The following CRCT1 variants were observed in gnomAD, a reference collection of about 807,000 sequenced individuals.
CRCT1 encodes the protein cysteine rich C-terminal 1, also known as cysteine-rich C-terminal protein 1.
For synonymous variants in CRCT1, 86 were observed against 60.3 expected (o/e 1.43, Z -1.98); for missense variants, 160 against 136.3 (o/e 1.17, Z -0.87).
chr1:152,515,950 T>C lies in CRCT1; in HGVS notation c.*267T>C, dbSNP rs1043602790. 6.8e-5 allele frequency: 29 copies of C among 425,866 alleles called. No individual in the cohort carries two copies. The highest frequency in any genetic ancestry group is 5.8e-4 in the African/African-American group (28 of 48,608). 26.4% of individuals were successfully genotyped at this position (425,866 alleles called of 1,614,324 possible). A position where few individuals can be genotyped will look rare whatever the true frequency, so the allele number is the denominator to read the frequency against. The stretch of plus-strand genomic sequence containing the variant: ...TTGCACACAGCAGGTGCTCAGCAAA[T>C]GTCTATTGATTTGATTGTCTTTTGA... On this transcript the variant is annotated 3_prime_UTR_variant, in exon 2 of 2. Coordinates refer to ENST00000368790, the MANE Select transcript of CRCT1 (RefSeq NM_019060.3).
rs1658716250 is a variant in CRCT1 at position 152,515,403 on chromosome 1, C to T, written c.20C>T (p.Ala7Val). Reference sequence around the variant, plus strand: ...TCCGCGATGTCCTCTCAACAGAGCGCCGTTTCCGCCAAAGGCTTTTCCAAG... The same window carrying T: ...TCCGCGATGTCCTCTCAACAGAGCGTCGTTTCCGCCAAAGGCTTTTCCAAG... MSSQQS[A>V]VSAKGFSKGS... Residue 7 changes from alanine (A) to valine (V), a missense_variant, in exon 2 of 2, where the codon GCC (alanine) becomes GTC (valine). Coordinates refer to ENST00000368790, the MANE Select transcript of CRCT1 (RefSeq NM_019060.3). 6.4e-7 allele frequency: 1 copy of T among 1,557,486 alleles called. No individual in the cohort carries two copies. Among genetic ancestry groups the T allele is most frequent in the Admixed American group, 1.9e-5 (1 of 51,488 alleles).
Position 152,515,437 on chromosome 1 carries a change from C to T in CRCT1, c.54C>T (p.Ser18=). ...CCAAAGGCTTTTCCAAGGGGTCGTC[C>T]CAGGGCCCCGCTCCGTGTCCCGCCC... ...VSAKGFSKGS[S]QGPAPCPAPA... The change falls in exon 2 of 2, where the codon TCC becomes TCT. Residue 18 remains serine (S), a synonymous_variant. Transcript: ENST00000368790. 6.3e-7 allele frequency: 1 copy of T among 1,597,502 alleles called. No individual in the cohort carries two copies. The highest frequency in any genetic ancestry group is 8.5e-7 in the Non-Finnish European group (1 of 1,174,586).
At chr1:152,514,740 G>A (rs1472535939) in intron 1 of CRCT1, among the ~76,000 whole-genome samples, 188 bp downstream of exon 1, 1 of 152,162 alleles carries the variant, frequency 6.6e-6, no homozygotes, top group African/African-American at 2.4e-5. Context: ...GTTTTTGCAA[G>A]GGTACACAGC....
Position 152,515,746 on chromosome 1 carries a change from G to A in CRCT1, c.*63G>A. 1 of 1,409,896 alleles carries A rather than the reference G, an allele frequency of 7.1e-7. No individual in the cohort carries two copies. Among genetic ancestry groups the A allele is most frequent in the Non-Finnish European group, 9.2e-7 (1 of 1,082,302 alleles). The allele number at this position is 1,409,896 out of a possible 1,614,324, so 87.3% of individuals were successfully genotyped here. ...GCCCAGCCCAGAGCGGGCCCGCCCC[G>A]CTGCGGCTCCCACGCGGGGCTGGGC... On this transcript the variant is annotated 3_prime_UTR_variant, in exon 2 of 2. Transcript: ENST00000368790.
rs1157253747 is a variant in CRCT1 at position 152,515,566 on chromosome 1, C to T, written c.183C>T (p.Cys61=). 1.3e-6 allele frequency: 2 copies of T among 1,596,034 alleles called. No individual in the cohort carries two copies. The highest frequency in any genetic ancestry group is 1.7e-6 in the Non-Finnish European group (2 of 1,176,612). ...GCCGSSSTSC[C]CFPRRRRRQR... is the part of the protein sequence containing the mutation. ...GCGGCTCCAGCTCCACCAGTTGCTG[C>T]TGCTTCCCAAGGAGACGCCGCCGAC... The change falls in exon 2 of 2, where the codon TGC becomes TGT. Residue 61 remains cysteine (C), a synonymous_variant. Transcript: ENST00000368790.
Position 152,515,650 on chromosome 1 carries a change from C to T in CRCT1, c.267C>T (p.Asn89=). The change falls in exon 2 of 2, where the codon AAC becomes AAT. Residue 89 remains asparagine, a synonymous_variant. Coordinates refer to ENST00000368790, the MANE Select transcript of CRCT1 (RefSeq NM_019060.3). The stretch of plus-strand genomic sequence containing the variant: ...GCAGCCAGAGGTCCCAGCGCTCCAA[C>T]AACCGGAGCTCAGGATGCTGCTCCG... ...GGGSQRSQRS[N]NRSSGCCSGC is the part of the protein sequence containing the mutation. 6.4e-7 allele frequency: 1 copy of T among 1,568,616 alleles called. No homozygotes were observed. The highest frequency in any genetic ancestry group is 8.6e-7 in the Non-Finnish European group (1 of 1,159,284).
At position 152,515,368 on chromosome 1, in the gene CRCT1, C is replaced by G. The variant is rs373476767; in HGVS notation, c.-16C>G. The G allele has an allele frequency of 1.3e-6, 2 of 1,501,778 alleles. No homozygotes were observed. Among genetic ancestry groups the G allele is most frequent in the Non-Finnish European group, 8.8e-7 (1 of 1,130,332 alleles). The allele number at this position is 1,501,778 out of a possible 1,614,324, so 93.0% of individuals were successfully genotyped here. A position where few individuals can be genotyped will look rare whatever the true frequency, so the allele number is the denominator to read the frequency against. ...AAGGCTGCCTTTCTTCCAGGTTTGT[C>G]GTGAGGAGCTCCGCGATGTCCTCTC... On this transcript the variant is annotated 5_prime_UTR_variant, in exon 2 of 2. Transcript: ENST00000368790.
chr1:152,515,707 C>T lies in CRCT1; in HGVS notation c.*24C>T, dbSNP rs774001560. On this transcript the variant is annotated 3_prime_UTR_variant, in exon 2 of 2. Coordinates refer to ENST00000368790, the MANE Select transcript of CRCT1 (RefSeq NM_019060.3). Reference sequence around the variant, plus strand: ...GAGAGGCCCGCAACCCCCAGCGCTGCGCTAGAGAAACCCGCCCAGCCCAGA... The same window carrying T: ...GAGAGGCCCGCAACCCCCAGCGCTGTGCTAGAGAAACCCGCCCAGCCCAGA... 13 of 1,462,192 alleles carry T rather than the reference C, an allele frequency of 8.9e-6. No individual in the cohort carries two copies. In the South Asian group the frequency reaches 1.9e-4, roughly 21 times the overall value. 90.6% of individuals were successfully genotyped at this position (1,462,192 alleles called of 1,614,324 possible). A position where few individuals can be genotyped will look rare whatever the true frequency, so the allele number is the denominator to read the frequency against.
chr1:152,515,511 G>C lies in CRCT1; in HGVS notation c.128G>C (p.Gly43Ala). ...TCCTCCTCCTCCTGCTGCGGCTCCG[G>C]CAGGGGCTGCTGCGGCGACTCAGGC... ...PASSSSCCGS[G>A]RGCCGDSGCC... The change falls in exon 2 of 2, where the codon GGC becomes GCC. Residue 43 changes from glycine (G) to alanine (A), a missense_variant. Transcript: ENST00000368790. 6.3e-7 allele frequency: 1 copy of C among 1,595,602 alleles called. No homozygotes were observed. Among genetic ancestry groups the C allele is most frequent in the Non-Finnish European group, 8.5e-7 (1 of 1,177,060 alleles).
rs746530483 is a variant in CRCT1 at position 152,515,472 on chromosome 1, C to G, written c.89C>G (p.Thr30Ser). ...GCTCCGTGTCCCGCCCCGGCGCCCA[C>G]CCCGGCGCCCGCCTCCTCCTCCTCC... is the stretch of plus-strand genomic sequence containing the variant. ...GPAPCPAPAPTPAPASSSSCC... is the reference protein window; with the variant it reads ...GPAPCPAPAPSPAPASSSSCC... The change falls in exon 2 of 2, where the codon ACC becomes AGC. Residue 30 changes from threonine to serine, a missense_variant. Thr to Ser is a moderately conservative substitution (Grantham distance 58). Coordinates refer to ENST00000368790, the MANE Select transcript of CRCT1 (RefSeq NM_019060.3). 19 of 1,601,138 alleles carry G rather than the reference C, an allele frequency of 1.2e-5. No individual in the cohort carries two copies. In the South Asian group the frequency reaches 1.3e-4, roughly 11 times the overall value.
Position 152,515,888 on chromosome 1 carries a change from C to A in CRCT1, c.*205C>A, listed in dbSNP as rs1658741896. 2.4e-6 allele frequency: 2 copies of A among 834,214 alleles called. No individual in the cohort carries two copies. The highest frequency in any genetic ancestry group is 1.8e-5 in the African/African-American group (1 of 55,122). The allele number at this position is 834,214 out of a possible 1,614,324, so 51.7% of individuals were successfully genotyped here. A position where few individuals can be genotyped will look rare whatever the true frequency, so the allele number is the denominator to read the frequency against. On this transcript the variant is annotated 3_prime_UTR_variant, in exon 2 of 2. Coordinates refer to ENST00000368790, the MANE Select transcript of CRCT1 (RefSeq NM_019060.3). The stretch of plus-strand genomic sequence containing the variant: ...TTTTTCTCCCCGGGGATTCGAGAGC[C>A]ATGCGTGGGACACTGGACCCTACTG...
chr1:152,515,379 C>G lies in CRCT1; in HGVS notation c.-5C>G. The G allele has an allele frequency of 6.6e-7, 1 of 1,510,340 alleles. No individual in the cohort carries two copies. The highest frequency in any genetic ancestry group is 8.8e-7 in the Non-Finnish European group (1 of 1,133,768). The allele number at this position is 1,510,340 out of a possible 1,614,324, so 93.6% of individuals were successfully genotyped here. A position where few individuals can be genotyped will look rare whatever the true frequency, so the allele number is the denominator to read the frequency against. ...TCTTCCAGGTTTGTCGTGAGGAGCT[C>G]CGCGATGTCCTCTCAACAGAGCGCC... On this transcript the variant is annotated 5_prime_UTR_variant, in exon 2 of 2. Transcript: ENST00000368790.
Position 152,515,353 on chromosome 1 carries a change from T to C in CRCT1, c.-22-9T>C. ...CCGGCTCGCCTTTGAAAGGCTGCCT[T>C]TCTTCCAGGTTTGTCGTGAGGAGCT... On this transcript the variant is annotated splice_polypyrimidine_tract_variant and intron_variant, in intron 1 of 1. Transcript: ENST00000368790. 1 of 1,486,100 alleles carries C rather than the reference T, an allele frequency of 6.7e-7. No homozygotes were observed. The highest frequency in any genetic ancestry group is 8.9e-7 in the Non-Finnish European group (1 of 1,123,764). 92.1% of individuals were successfully genotyped at this position (1,486,100 alleles called of 1,614,324 possible).
At chr1:152,515,252 T>C (rs1658712326) in intron 1 of CRCT1, 110 bp from the exon 2 acceptor site, 1 of 925,276 alleles carries the variant, frequency 1.1e-6, no homozygotes, top group Non-Finnish European at 1.5e-6. Context: ...TCCCTCCTTG[T>C]CCCAGGCCAG....
At position 152,514,534 on chromosome 1, in the gene CRCT1, T is replaced by C. The variant is rs1473839302; in HGVS notation, c.-41T>C. ...CCAGTTGGAGAACGTAGTGAGTCTT[T>C]CAGTGGAGCCAGGGTCTGGTAAGTC... is the stretch of plus-strand genomic sequence containing the variant. On this transcript the variant is annotated 5_prime_UTR_variant, in exon 1 of 2. Transcript: ENST00000368790. 6.6e-6 allele frequency: 1 copy of C among 152,190 alleles called. No individual in the cohort carries two copies. Among genetic ancestry groups the C allele is most frequent in the African/African-American group, 2.4e-5 (1 of 41,410 alleles). 9.4% of individuals were successfully genotyped at this position (152,190 alleles called of 1,614,324 possible). A position where few individuals can be genotyped will look rare whatever the true frequency, so the allele number is the denominator to read the frequency against.
chr1:152,515,332 C>A, intron 1 of CRCT1, 30 bp from the exon 2 acceptor site: 1 of 1,473,878 alleles, frequency 6.8e-7, no homozygotes, highest in Non-Finnish European at 9.0e-7. Context: ...AAAAAGCCGG[C>A]TCGCCTTTGA....
rs1354191216 is a variant in CRCT1, at chr1:152,515,499, G to A, written c.116G>A (p.Cys39Tyr). The stretch of plus-strand genomic sequence containing the variant: ...CCGGCGCCCGCCTCCTCCTCCTCCT[G>A]CTGCGGCTCCGGCAGGGGCTGCTGC... ...PTPAPASSSSCCGSGRGCCGD... is the reference protein window; with the variant it reads ...PTPAPASSSSYCGSGRGCCGD... Residue 39 changes from cysteine to tyrosine, a missense_variant, in exon 2 of 2, where the codon TGC becomes TAC. Transcript: ENST00000368790. 3.7e-6 allele frequency: 6 copies of A among 1,600,232 alleles called. No individual in the cohort carries two copies. Among genetic ancestry groups the A allele is most frequent in the African/African-American group, 2.7e-5 (2 of 74,670 alleles).
Position 152,515,700 on chromosome 1 carries a change from A to C in CRCT1, c.*17A>C. 2.0e-6 allele frequency: 3 copies of C among 1,475,710 alleles called. No homozygotes were observed. The highest frequency in any genetic ancestry group is 1.4e-5 in the South Asian group (1 of 72,124). 91.4% of individuals were successfully genotyped at this position (1,475,710 alleles called of 1,614,324 possible). On this transcript the variant is annotated 3_prime_UTR_variant, in exon 2 of 2. Transcript: ENST00000368790. ...GGCTGCTGAGAGGCCCGCAACCCCC[A>C]GCGCTGCGCTAGAGAAACCCGCCCA...
intron 1 of CRCT1, 103 bp from the exon 2 acceptor site, chr1:152,515,259 C>A: frequency 1.0e-6 from 1 of 988,454 alleles, no homozygotes; most frequent in Non-Finnish European, 1.4e-6. Context: ...TTGTCCCAGG[C>A]CAGGCTGACT....
Sources: gnomAD v4.1 joint callset for allele counts (sites outside exome capture counted in the v4.1 genomes callset) on GRCh38, gnomAD v4.1.1 for gene constraint, MANE v1.5 for transcripts, NCBI Gene and HGNC (gene_info 2026-07-23, HGNC 2026-07-21) for gene names.